LRP1B: variants seen among roughly 807,000 people sequenced by gnomAD.
The protein encoded by LRP1B is low-density lipoprotein receptor-related protein 1B.
Under a neutral mutation model 556.6 loss-of-function variants are expected in LRP1B, and 217 were observed. The observed-to-expected ratio is 0.39, with a 90% CI of 0.35 to 0.44. The LOEUF (loss-of-function observed/expected upper bound fraction) is 0.44. Ranked by LOEUF, LRP1B falls within the 20% of genes least tolerant of loss-of-function variation. The pLI, the probability that LRP1B is intolerant of heterozygous loss-of-function variation, is 1.00. For synonymous variants in LRP1B, 2,047 were observed against 1,865.8 expected, an observed-to-expected ratio of 1.10 and a Z score of -2.50; for missense variants, 5,053 against 5,620.8, an observed-to-expected ratio of 0.90 and a Z score of 3.23.
rs188538765 is a variant in LRP1B, at chr2:141,885,570, G to A, written c.83-75169C>T. 9.8e-5 allele frequency among the ~76,000 whole-genome samples: 15 copies of A among 152,306 alleles called. No homozygotes were observed. The East Asian group carries it at 1.7e-3, about 18-fold the overall frequency. On this transcript the variant is annotated intron_variant, in intron 1 of 90. Transcript: ENST00000389484. ...ATGGTGGTGGTGCACTTTTGGCAGA[G>A]AAAGTATTGCCAGTAAATGAGAGTG...
chr2:140,368,467 C>T (rs1463577648), intron 71 of LRP1B, among the ~76,000 whole-genome samples: 2 of 151,690 alleles, frequency 1.3e-5, no homozygotes, highest in African/African-American at 2.4e-5. Context: ...AGAGAACCCC[C>T]CAATCTTTTC....
At chr2:141,897,514 G>A (rs764205463) in intron 1 of LRP1B, among the ~76,000 whole-genome samples, 4 of 152,050 alleles carry the variant, frequency 2.6e-5, no homozygotes, top group Non-Finnish European at 4.4e-5. Context: ...TCTAAATGGA[G>A]GTATACAACC....
intron 41 of LRP1B, among the ~76,000 whole-genome samples, chr2:140,656,682 T>C (rs1210650295): frequency 6.6e-6 from 1 of 152,166 alleles, no homozygotes; most frequent in Non-Finnish European, 1.5e-5. Flanking sequence ...TGTCTGTGTA[T>C]CTCCTTGGAC....
chr2:141,771,081 A>G (rs1265580171), intron 2 of LRP1B, among the ~76,000 whole-genome samples: 2 of 152,176 alleles, frequency 1.3e-5, no homozygotes, highest in Non-Finnish European at 2.9e-5. Flanking sequence ...AAGACCATAT[A>G]TAGTCTTAGT....
At chr2:141,371,136 A>G (rs1183356231) in intron 3 of LRP1B, among the ~76,000 whole-genome samples, 1 of 152,102 alleles carries the variant, frequency 6.6e-6, no homozygotes, top group East Asian at 1.9e-4. Context: ...GGCATGCACC[A>G]CCACGCCAGG....
chr2:142,060,492 G>A lies in LRP1B; in HGVS notation c.82+70156C>T, dbSNP rs974882753. On this transcript the variant is annotated intron_variant, in intron 1 of 90. Coordinates refer to ENST00000389484, the MANE Select transcript of LRP1B (RefSeq NM_018557.3). ...TTGAAAGTTTGAAAATCCATAAGAG[G>A]TGGATGGGTATGTCAAAGATGTTTA... Among the ~76,000 whole-genome samples, 7 of 152,204 alleles carry A rather than the reference G, an allele frequency of 4.6e-5. No homozygotes were observed. The East Asian group carries it at 5.8e-4, about 13-fold the overall frequency.
intron 29 of LRP1B, among the ~76,000 whole-genome samples, chr2:140,848,323 C>A (rs1458548443): frequency 6.6e-6 from 1 of 152,168 alleles, no homozygotes; most frequent in East Asian, 1.9e-4. Flanking sequence ...TTTGCATTTG[C>A]TTTTTTATAA....
chr2:140,612,823 C>A (rs141433531), intron 41 of LRP1B, among the ~76,000 whole-genome samples: 19 of 152,070 alleles, frequency 1.2e-4, no homozygotes, highest in Admixed American at 7.9e-4. Context: ...GATATTGGGG[C>A]ATTCTTGAAT....
chr2:140,813,777 G>T lies in LRP1B; in HGVS notation c.5239C>A (p.Leu1747Ile), dbSNP rs773770150. ...CCATTCCCTGAACTGATCCAATAAA[G>T]CTTGTTTTCCACATAGTCTATCGAT... ...GLSIDYVENK[L>I]YWISSGNGTI... The change falls in exon 32 of 91, where the codon CTT becomes ATT. Residue 1747 changes from leucine to isoleucine, a missense_variant. Physicochemically the swap from Leu to Ile is conservative, Grantham distance 5. Around this residue, in one of 5 missense-constraint regions of LRP1B, gnomAD observed 3,619 missense variants for 3,931.9 expected, o/e 0.92. Transcript: ENST00000389484. The T allele has an allele frequency of 1.4e-5, 22 of 1,608,510 alleles. No individual in the cohort carries two copies. Among genetic ancestry groups the T allele is most frequent in the Non-Finnish European group, 1.7e-5 (20 of 1,175,514 alleles).
chr2:141,776,059 G>A (rs1245575339), intron 2 of LRP1B, among the ~76,000 whole-genome samples: 1 of 151,992 alleles, frequency 6.6e-6, no homozygotes, highest in Non-Finnish European at 1.5e-5. Context: ...TGTTAGCCAG[G>A]ATGGTCTCGA....
At chr2:141,237,953 A>T (rs1363941348) in intron 5 of LRP1B, among the ~76,000 whole-genome samples, 1 of 152,160 alleles carries the variant, frequency 6.6e-6, no homozygotes, top group Admixed American at 6.6e-5. Context: ...ATGTTTTTTA[A>T]AGAGACTTTA....
chr2:141,051,732 C>T (rs1474307974), intron 10 of LRP1B, among the ~76,000 whole-genome samples: 7 of 151,934 alleles, frequency 4.6e-5, no homozygotes, highest in South Asian at 2.1e-4. Flanking sequence ...GTGTATTTCC[C>T]AGCAGCAGAT....
In LRP1B at chr2:141,331,486, T is replaced by TTTTC. The variant is rs1169689798; in HGVS notation, c.344-76849_344-76846dup. Among the ~76,000 whole-genome samples the TTTTC allele has an allele frequency of 1.1e-3, 140 of 128,920 alleles. 1 individual carries two copies. Among genetic ancestry groups the TTTTC allele is most frequent in the African/African-American group, 3.9e-3 (131 of 33,612 alleles). The allele number at this position is 128,920 out of a possible 152,430, so 84.6% of individuals were successfully genotyped here. A position where few individuals can be genotyped will look rare whatever the true frequency, so the allele number is the denominator to read the frequency against. ...TCAGGAAACTCTTAATCTTTGTTTC[T>TTTTC]TTTCTTTCTTTCTTTCCTTCTTTCT... is the stretch of plus-strand genomic sequence containing the variant. On this transcript the variant is annotated intron_variant, in intron 3 of 90. Transcript: ENST00000389484.
chr2:141,163,609 T>C (rs568801861), intron 7 of LRP1B, among the ~76,000 whole-genome samples: 8 of 152,042 alleles, frequency 5.3e-5, no homozygotes, highest in Non-Finnish European at 1.2e-4. Context: ...TACTGAATCA[T>C]GGGGGTGGTT....
At chr2:141,617,722 C>T (rs2105331338) in intron 2 of LRP1B, among the ~76,000 whole-genome samples, 1 of 152,170 alleles carries the variant, frequency 6.6e-6, no homozygotes, top group East Asian at 1.9e-4. Flanking sequence ...GAATTTTAGG[C>T]TTTTAAAAAA....
At chr2:140,957,703 G>A (rs2105310606) in intron 18 of LRP1B, among the ~76,000 whole-genome samples, 1 of 151,588 alleles carries the variant, frequency 6.6e-6, no homozygotes, top group East Asian at 1.9e-4. Flanking sequence ...TGCATGTGTA[G>A]TTTTGCCTCC....
chr2:141,771,793 C>T (rs1694908463), intron 2 of LRP1B, among the ~76,000 whole-genome samples: 1 of 152,010 alleles, frequency 6.6e-6, no homozygotes, highest in African/African-American at 2.4e-5. Flanking sequence ...AAGATGATCT[C>T]TTGCTTTTTT....
At chr2:141,415,156 A>T (rs1691044460) in intron 3 of LRP1B, among the ~76,000 whole-genome samples, 1 of 152,182 alleles carries the variant, frequency 6.6e-6, no homozygotes, top group African/African-American at 2.4e-5. Context: ...CTGGGACTAC[A>T]GGCTCCCGCC....
chr2:140,641,262 C>G (rs908249759), intron 41 of LRP1B, among the ~76,000 whole-genome samples: 1 of 152,204 alleles, frequency 6.6e-6, no homozygotes, highest in Non-Finnish European at 1.5e-5. Flanking sequence ...CAAGGTTTCA[C>G]AAGTTCATCA....
Sources: allele counts gnomAD v4.1 joint callset (sites outside exome capture counted in the v4.1 genomes callset), GRCh38; gene constraint gnomAD v4.1.1; regional missense constraint gnomAD v4.1.1; transcripts MANE v1.5; gene names NCBI Gene and HGNC (gene_info 2026-07-23, HGNC 2026-07-21).